Variants in RAPGEF1 observed in about 807,000 individuals in gnomAD.
RAPGEF1 encodes the protein Rap guanine nucleotide exchange factor 1.
RAPGEF1 carries 33 observed loss-of-function variants against 143.3 expected under a neutral mutation model. The observed-to-expected ratio is 0.23, with a 90% CI of 0.17 to 0.31. RAPGEF1 has a LOEUF of 0.31. Among genes scored for constraint, RAPGEF1 ranks in the 10% least tolerant of loss-of-function variants. The pLI, the probability that RAPGEF1 is intolerant of heterozygous loss-of-function variation, is 1.00. For synonymous variants in RAPGEF1, 629 were observed against 676.5 expected, an observed-to-expected ratio of 0.93 and a Z score of 1.09; for missense variants, 1,199 against 1,645.4, an observed-to-expected ratio of 0.73 and a Z score of 4.69.
intron 1 of RAPGEF1, among the ~76,000 whole-genome samples, chr9:131,658,654 C>G (rs545811405): frequency 6.6e-6 from 1 of 152,152 alleles, no homozygotes; most frequent in Non-Finnish European, 1.5e-5. Context: ...CCTTCTCTAC[C>G]GAGAGAGAAA....
At chr9:131,605,313 A>G in intron 12 of RAPGEF1, 125 bp from the exon 13 acceptor site, 1 of 906,524 alleles carries the variant, frequency 1.1e-6, no homozygotes, top group South Asian at 1.7e-5. Flanking sequence ...ACGGGCCACC[A>G]ATCACGCCAA....
At chr9:131,629,969 G>A (rs1022862779) in intron 6 of RAPGEF1, among the ~76,000 whole-genome samples, 1 of 152,006 alleles carries the variant, frequency 6.6e-6, no homozygotes, top group African/African-American at 2.4e-5. Flanking sequence ...ATTATGAAAC[G>A]AAGCTGCCCA....
intron 1 of RAPGEF1, among the ~76,000 whole-genome samples, chr9:131,722,942 C>G (rs948288335): frequency 6.6e-6 from 1 of 152,226 alleles, no homozygotes; most frequent in Middle Eastern, 3.2e-3. Flanking sequence ...GCCTGTAATC[C>G]CAGCACTTTG....
chr9:131,684,636 A>G (rs1418462157), intron 1 of RAPGEF1, among the ~76,000 whole-genome samples: 1 of 152,272 alleles, frequency 6.6e-6, no homozygotes, highest in African/African-American at 2.4e-5. Flanking sequence ...GCAGCTGAAC[A>G]GCATCTACAG....
intron 25 of RAPGEF1, among the ~76,000 whole-genome samples, chr9:131,581,214 C>A (rs1951819153): frequency 6.6e-6 from 1 of 150,812 alleles, no homozygotes; most frequent in South Asian, 2.1e-4. Context: ...GGCAACATAG[C>A]AAGACCTCGT....
intron 12 of RAPGEF1, among the ~76,000 whole-genome samples, chr9:131,612,854 C>CAGCA (rs1958247150): frequency 2.0e-5 from 3 of 152,230 alleles, no homozygotes. Flanking sequence ...GAGTCAGACA[C>CAGCA]AGCAGCCAGA....
At position 131,641,339 on chromosome 9, in the gene RAPGEF1, G is replaced by A. The variant is rs768884173; in HGVS notation, c.494+1900C>T. Among the ~76,000 whole-genome samples the A allele has an allele frequency of 3.9e-5, 6 of 152,072 alleles. No individual in the cohort carries two copies. The highest frequency in any genetic ancestry group is 6.5e-5 in the Admixed American group (1 of 15,268). The stretch of plus-strand genomic sequence containing the variant: ...TCTGCCCATGACTGCCCGAGTCGCC[G>A]CCCTCCCCTCCCCGGGATACACCAG... On this transcript the variant is annotated intron_variant, in intron 4 of 26. Coordinates refer to ENST00000683357, the MANE Select transcript of RAPGEF1 (RefSeq NM_001377935.1). The surrounding 1 kb of genome is among the most constrained non-coding windows in gnomAD (Gnocchi z 4.6).
chr9:131,596,528 G>A (rs1382943835), intron 16 of RAPGEF1, among the ~76,000 whole-genome samples, 155 bp from the exon 17 acceptor site: 1 of 152,190 alleles, frequency 6.6e-6, no homozygotes, highest in Admixed American at 6.5e-5. Flanking sequence ...GTGTGGCTGC[G>A]CTGCGAAGCC....
intron 1 of RAPGEF1, among the ~76,000 whole-genome samples, chr9:131,661,278 G>A (rs1006205659): frequency 1.3e-4 from 20 of 152,244 alleles, no homozygotes; most frequent in African/African-American, 4.3e-4. Flanking sequence ...TCATGCAATC[G>A]ACACCCATGA....
In RAPGEF1 at chr9:131,625,993, T is replaced by C; in HGVS notation, c.1631A>G (p.Asp544Gly). 1 of 1,608,936 alleles carries C rather than the reference T, an allele frequency of 6.2e-7. No individual in the cohort carries two copies. The highest frequency in any genetic ancestry group is 8.5e-7 in the Non-Finnish European group (1 of 1,175,600). ...GSSAPVEFVGDFTAPESTGDP... is the reference protein window; with the variant it reads ...GSSAPVEFVGGFTAPESTGDP... The stretch of plus-strand genomic sequence containing the variant: ...ACCGGTTGACTCAGGAGCAGTAAAA[T>C]CACCCACAAATTCGACAGGGGCTGA... The change falls in exon 10 of 27, where the codon GAT (aspartate) becomes GGT (glycine). Residue 544 changes from aspartate (D) to glycine (G), a missense_variant. Physicochemically the swap from Asp to Gly is moderately conservative, Grantham distance 94 (BLOSUM62 -1). Around this residue, in one of 6 missense-constraint regions of RAPGEF1, gnomAD observed 613 missense variants for 710.9 expected, o/e 0.86. Transcript: ENST00000683357.
chr9:131,625,982 G>C lies in RAPGEF1; in HGVS notation c.1642C>G (p.Pro548Ala), dbSNP rs191870237. Residue 548 changes from proline (P) to alanine (A), a missense_variant, in exon 10 of 27, where the codon CCT becomes GCT. Physicochemically the swap from Pro to Ala is conservative, Grantham distance 27. Transcript: ENST00000683357. ...PVEFVGDFTA[P>A]ESTGDPEKPP... ...TTTTCTGGGTCACCGGTTGACTCAG[G>C]AGCAGTAAAATCACCCACAAATTCG... The C allele has an allele frequency of 2.8e-4, 451 of 1,606,330 alleles. No homozygotes were observed. The highest frequency in any genetic ancestry group is 3.7e-4 in the Non-Finnish European group (431 of 1,173,512).
intron 1 of RAPGEF1, among the ~76,000 whole-genome samples, chr9:131,736,612 G>A (rs563813025): frequency 6.6e-6 from 1 of 152,308 alleles, no homozygotes; most frequent in African/African-American, 2.4e-5. Flanking sequence ...GGAGAGTCCT[G>A]CACACCAAGG....
At chr9:131,620,639 C>T (rs901238714) in intron 11 of RAPGEF1, among the ~76,000 whole-genome samples, 1 of 152,168 alleles carries the variant, frequency 6.6e-6, no homozygotes, top group African/African-American at 2.4e-5. Context: ...CAAGCTTGGC[C>T]TTTCCTCTAC....
At chr9:131,596,743 T>TG in intron 16 of RAPGEF1, among the ~76,000 whole-genome samples, 1 of 152,188 alleles carries the variant, frequency 6.6e-6, no homozygotes, top group South Asian at 2.1e-4. Context: ...TAGGACCCCC[T>TG]GGGGGCAAGA....
rs527822532 is a variant in RAPGEF1, at chr9:131,596,860, C to T, written c.2614-487G>A. ...AGCGGCCCTACATCTAAATCCGTCTCCCCAGGTGGAAGTAGAAGTTACTTG... is the reference window on the plus strand; with the variant it reads ...AGCGGCCCTACATCTAAATCCGTCTTCCCAGGTGGAAGTAGAAGTTACTTG... On this transcript the variant is annotated intron_variant, in intron 16 of 26. Coordinates refer to ENST00000683357, the MANE Select transcript of RAPGEF1 (RefSeq NM_001377935.1). 1.2e-4 allele frequency among the ~76,000 whole-genome samples: 19 copies of T among 152,342 alleles called. No individual in the cohort carries two copies. The South Asian group carries it at 3.5e-3, about 28-fold the overall frequency.
intron 19 of RAPGEF1, 145 bp from the exon 20 acceptor site, chr9:131,589,131 CGA>C (rs1953726150): frequency 1.3e-6 from 1 of 771,558 alleles, no homozygotes; most frequent in South Asian, 1.9e-5. Flanking sequence ...GAGCAGGAGA[CGA>C]GAGCCTGGGA....
chr9:131,649,754 C>T (rs1029759206), intron 3 of RAPGEF1, among the ~76,000 whole-genome samples: 2 of 152,138 alleles, frequency 1.3e-5, no homozygotes, highest in Non-Finnish European at 1.5e-5. Context: ...AGAAAGCACT[C>T]GGAGGCTTCA....
intron 17 of RAPGEF1, among the ~76,000 whole-genome samples, chr9:131,593,739 G>A (rs959942131): frequency 7.9e-5 from 12 of 152,330 alleles, no homozygotes; most frequent in Admixed American, 5.2e-4. Flanking sequence ...AATCACAGCA[G>A]GGCCCATCCG....
intron 9 of RAPGEF1, among the ~76,000 whole-genome samples, chr9:131,626,762 G>T (rs1358097767): frequency 6.6e-6 from 1 of 152,116 alleles, no homozygotes; most frequent in African/African-American, 2.4e-5. Context: ...ACATTTTGAA[G>T]TATTTCCTTA....
Sources: gnomAD v4.1 joint callset for allele counts (sites outside exome capture counted in the v4.1 genomes callset) on GRCh38, gnomAD v4.1.1 for gene constraint, gnomAD v4.1.1 regional missense constraint, Gnocchi (gnomAD v3.1) non-coding constraint, MANE v1.5 for transcripts, NCBI Gene and HGNC (gene_info 2026-07-23, HGNC 2026-07-21) for gene names.